Variants in EIF4A2 observed in about 807,000 individuals in gnomAD.
EIF4A2 encodes the protein eukaryotic initiation factor 4A-II.
Under a neutral mutation model 50.6 loss-of-function variants are expected in EIF4A2, and 9 were observed. The observed-to-expected ratio is 0.18, with a 90% CI of 0.11 to 0.31. EIF4A2 has a LOEUF of 0.31. Ranked by LOEUF, EIF4A2 falls within the 10% of genes least tolerant of loss-of-function variation. The pLI is 1.00. For synonymous variants in EIF4A2, 215 were observed against 164.4 expected (o/e 1.31, Z -2.35); for missense variants, 182 against 501.8 (o/e 0.36, Z 6.09).
At chr3:186,788,420 G>A in intron 10 of EIF4A2, 6 of 1,241,598 alleles carry the variant, frequency 4.8e-6, no homozygotes, top group Non-Finnish European at 5.2e-6. Flanking sequence ...AGAGCGAGTC[G>A]GTATTTATAT....
At chr3:186,785,276 T>C (rs1721624834) in intron 4 of EIF4A2, 175 bp downstream of exon 4, 3 of 870,602 alleles carry the variant, frequency 3.4e-6, no homozygotes, top group South Asian at 1.8e-5. Context: ...TATGCAGGTA[T>C]GGTTTGTAGG....
At chr3:186,788,490 T>C in intron 10 of EIF4A2, 1 of 1,170,476 alleles carries the variant, frequency 8.5e-7, no homozygotes, top group East Asian at 5.8e-5. Flanking sequence ...GGCATTTTTT[T>C]GTATTAGTAT....
rs1480206121 is a variant in EIF4A2 at position 186,784,970 on chromosome 3, G to A, written c.217G>A (p.Val73Met). 1.9e-6 allele frequency: 3 copies of A among 1,614,102 alleles called. No homozygotes were observed. The highest frequency in any genetic ancestry group is 2.5e-6 in the Non-Finnish European group (3 of 1,180,052). Residue 73 changes from valine (V) to methionine (M), a missense_variant, in exon 4 of 11, where the codon GTG becomes ATG. Val to Met is a conservative substitution (Grantham distance 21, BLOSUM62 1). This residue lies in a region of EIF4A2 where 113 missense variants were observed against 357.3 expected (regional missense o/e 0.32). Coordinates refer to ENST00000323963, the MANE Select transcript of EIF4A2 (RefSeq NM_001967.4). ...TATCCTACTTTTTTTAGGGTATGATGTGATTGCTCAAGCTCAGTCAGGTAC... is the reference window on the plus strand; with the variant it reads ...TATCCTACTTTTTTTAGGGTATGATATGATTGCTCAAGCTCAGTCAGGTAC... ...AIIPCIKGYD[V>M]IAQAQSGTGK...
chr3:186,784,099 C>T (rs924073196), intron 1 of EIF4A2: 27 of 476,746 alleles, frequency 5.7e-5, no homozygotes, highest in Non-Finnish European at 9.9e-5. Context: ...GCCGGTGAAC[C>T]GTTGGCATCG....
intron 6 of EIF4A2, 86 bp downstream of exon 6, chr3:186,786,359 T>C (rs266718): frequency 0.34 from 520,390 of 1,514,636 alleles, 90,904 homozygotes; most frequent in Middle Eastern, 0.37. Context: ...ATGTGTTTTG[T>C]TGTCGTTCCC....
intron 6 of EIF4A2, 52 bp downstream of exon 6, chr3:186,786,325 G>T (rs781298566): frequency 2.6e-6 from 4 of 1,561,950 alleles, no homozygotes; most frequent in Non-Finnish European, 3.5e-6. Context: ...TTTATTTAAT[G>T]CAGGTACTGT....
intron 6 of EIF4A2, 66 bp downstream of exon 6, chr3:186,786,339 A>G: frequency 6.5e-7 from 1 of 1,538,662 alleles, no homozygotes; most frequent in Non-Finnish European, 8.8e-7. Flanking sequence ...GTACTGTTAC[A>G]ATACAACTGA....
Position 186,789,110 on chromosome 3 carries a change from C to T in EIF4A2, c.1080-15C>T, listed in dbSNP as rs749093249. On this transcript the variant is annotated splice_polypyrimidine_tract_variant and intron_variant, in intron 10 of 10. Transcript: ENST00000323963. ...TTATGTGAGAAGTAACGTTCTGATTCTTTTTCTTACACAGAATTGGCAGAG... is the reference window on the plus strand; with the variant it reads ...TTATGTGAGAAGTAACGTTCTGATTTTTTTTCTTACACAGAATTGGCAGAG... The T allele has an allele frequency of 9.9e-6, 16 of 1,610,504 alleles. No homozygotes were observed. Among genetic ancestry groups the T allele is most frequent in the Middle Eastern group, 1.7e-4 (1 of 6,022 alleles).
chr3:186,786,666 CATT>C, intron 7 of EIF4A2, 21 bp downstream of exon 7: 1 of 1,613,008 alleles, frequency 6.2e-7, no homozygotes, highest in South Asian at 1.1e-5. Flanking sequence ...GATTGTTAGA[CATT>C]ATTTTACCTT....
At position 186,783,632 on chromosome 3, in the gene EIF4A2, T is replaced by C. The variant is rs1721494962; in HGVS notation, c.22T>C (p.Tyr8His). ...GATCATGTCTGGTGGCTCCGCGGATTATAACAGGTATGCAGTCTGTTGGCG... is the reference window on the plus strand; with the variant it reads ...GATCATGTCTGGTGGCTCCGCGGATCATAACAGGTATGCAGTCTGTTGGCG... MSGGSADYNREHGGPEGM... is the reference protein window; with the variant it reads MSGGSADHNREHGGPEGM... Residue 8 changes from tyrosine (Y) to histidine (H), a missense_variant, in exon 1 of 11, where the codon TAT (tyrosine) becomes CAT (histidine). Tyr to His is a moderately conservative substitution (Grantham distance 83). This residue lies in a region of EIF4A2 where 43 missense variants were observed against 22.2 expected (regional missense o/e 1.93). Transcript: ENST00000323963. 5 of 1,613,992 alleles carry C rather than the reference T, an allele frequency of 3.1e-6. No homozygotes were observed. Among genetic ancestry groups the C allele is most frequent in the Non-Finnish European group, 3.4e-6 (4 of 1,180,020 alleles).
At position 186,789,502 on chromosome 3, in the gene EIF4A2, T is replaced by C; in HGVS notation, c.*233T>C. On this transcript the variant is annotated 3_prime_UTR_variant, in exon 11 of 11. Transcript: ENST00000323963. ...TGGGGTGGGTATAAAAGATGGGGTCTGTAAAATCTTTCTTTCTTAGAAATT... is the reference window on the plus strand; with the variant it reads ...TGGGGTGGGTATAAAAGATGGGGTCCGTAAAATCTTTCTTTCTTAGAAATT... 1 of 423,580 alleles carries C rather than the reference T, an allele frequency of 2.4e-6. No individual in the cohort carries two copies. Among genetic ancestry groups the C allele is most frequent in the Non-Finnish European group, 4.1e-6 (1 of 245,996 alleles). The allele number at this position is 423,580 out of a possible 1,614,324, so 26.2% of individuals were successfully genotyped here.
chr3:186,788,119 T>C (rs912239524), intron 10 of EIF4A2: 7 of 661,522 alleles, frequency 1.1e-5, no homozygotes, highest in African/African-American at 9.1e-5. Flanking sequence ...TCTTACCTTA[T>C]GCTTGAGCTT....
In EIF4A2 at chr3:186,789,512, T is replaced by C; in HGVS notation, c.*243T>C. On this transcript the variant is annotated 3_prime_UTR_variant, in exon 11 of 11. Coordinates refer to ENST00000323963, the MANE Select transcript of EIF4A2 (RefSeq NM_001967.4). ...ATAAAAGATGGGGTCTGTAAAATCT[T>C]TCTTTCTTAGAAATTTATTTCCTAG... is the stretch of plus-strand genomic sequence containing the variant. 1 of 406,604 alleles carries C rather than the reference T, an allele frequency of 2.5e-6. No homozygotes were observed. The highest frequency in any genetic ancestry group is 4.3e-6 in the Non-Finnish European group (1 of 233,384). The allele number at this position is 406,604 out of a possible 1,614,324, so 25.2% of individuals were successfully genotyped here.
chr3:186,789,329 T>TGCA lies in EIF4A2; in HGVS notation c.*61_*63dup, dbSNP rs1721987215. 1.0e-5 allele frequency: 16 copies of TGCA among 1,537,768 alleles called. No individual in the cohort carries two copies. The highest frequency in any genetic ancestry group is 1.3e-5 in the Non-Finnish European group (15 of 1,141,470). Reference sequence around the variant, plus strand: ...TGTTGCTGAATAGGCGATCACAACGTGCATTGTGCTTCTTTCTTTGGGAAT... The same window carrying TGCA: ...TGTTGCTGAATAGGCGATCACAACGTGCAGCATTGTGCTTCTTTCTTTGGGAAT... On this transcript the variant is annotated 3_prime_UTR_variant, in exon 11 of 11. Coordinates refer to ENST00000323963, the MANE Select transcript of EIF4A2 (RefSeq NM_001967.4).
intron 1 of EIF4A2, chr3:186,784,051 A>T (rs996506641): frequency 4.7e-6 from 2 of 426,786 alleles, no homozygotes; most frequent in South Asian, 2.8e-5. Context: ...AGCGGTCTCC[A>T]CTCGGCCACG....
chr3:186,785,863 A>G lies in EIF4A2; in HGVS notation c.349-20A>G. On this transcript the variant is annotated intron_variant, in intron 4 of 10. Transcript: ENST00000323963. ...TGATCCTGGAGTTCTGCGGAATAAT[A>G]ATTAAGGCTTGGGTTTTAGATCCAA... 6.3e-7 allele frequency: 1 copy of G among 1,581,650 alleles called. No individual in the cohort carries two copies. The highest frequency in any genetic ancestry group is 8.6e-7 in the Non-Finnish European group (1 of 1,157,014).
chr3:186,783,867 A>G lies in EIF4A2; in HGVS notation c.29+228A>G, dbSNP rs559823017. The G allele has an allele frequency of 4.7e-3, 2,888 of 608,018 alleles. 14 individuals carry two copies. The highest frequency in any genetic ancestry group is 6.8e-3 in the Non-Finnish European group (2,401 of 351,498). The allele number at this position is 608,018 out of a possible 1,614,324, so 37.7% of individuals were successfully genotyped here. A position where few individuals can be genotyped will look rare whatever the true frequency, so the allele number is the denominator to read the frequency against. ...AAAGGGCGTTTTTCCTCTCTAAGAC[A>G]TTACGAAACTTCGGCTGCTTTCCTT... On this transcript the variant is annotated intron_variant, in intron 1 of 10. Coordinates refer to ENST00000323963, the MANE Select transcript of EIF4A2 (RefSeq NM_001967.4).
At chr3:186,787,001 CTAAG>C (rs1721768466) in intron 7 of EIF4A2, 122 bp from the exon 8 acceptor site, 2 of 1,386,930 alleles carry the variant, frequency 1.4e-6, no homozygotes, top group South Asian at 2.6e-5. Flanking sequence ...ACTCTGGGCT[CTAAG>C]TGCTAGGATC....
intron 1 of EIF4A2, chr3:186,783,905 C>T (rs1721520537): frequency 1.8e-6 from 1 of 544,296 alleles, no homozygotes; most frequent in Non-Finnish European, 3.3e-6. Flanking sequence ...CAGTGTAGAG[C>T]ACGGGAAACA....
Sources: allele counts gnomAD v4.1 joint callset, GRCh38; gene constraint gnomAD v4.1.1; regional missense constraint gnomAD v4.1.1; transcripts MANE v1.5; gene names NCBI Gene and HGNC (gene_info 2026-07-23, HGNC 2026-07-21).